The following RGS12 variants were observed in gnomAD, a reference collection of about 807,000 sequenced individuals.
RGS12 encodes the protein regulator of G protein signaling 12, also known as regulator of G-protein signaling 12.
Under a neutral mutation model 120.1 loss-of-function variants are expected in RGS12, and 66 were observed. That is an observed-to-expected ratio of 0.55 (90% confidence interval 0.45 to 0.67). RGS12 has a LOEUF of 0.67. RGS12 is among the 30% of genes least tolerant of loss of function. The probability of loss-of-function intolerance (pLI) is 0.00; values close to 1 mark genes in which losing one functional copy is unlikely to be tolerated. For synonymous variants in RGS12, 827 were observed against 804.7 expected (o/e 1.03, Z -0.47); for missense variants, 1,859 against 1,957.7 (o/e 0.95, Z 0.95).
intron 4 of RGS12, among the ~76,000 whole-genome samples, chr4:3,403,484 C>T (rs1720803862): frequency 6.6e-6 from 1 of 152,252 alleles, no homozygotes; most frequent in South Asian, 2.1e-4. Context: ...AGCATAGTCA[C>T]TGATGTCAGC....
intron 16 of RGS12, 95 bp from the exon 17 acceptor site, chr4:3,430,312 C>A: frequency 2.6e-6 from 3 of 1,143,748 alleles, no homozygotes; most frequent in Non-Finnish European, 3.8e-6. Context: ...GGTGTTAGGA[C>A]AGCCCAGGAT....
At chr4:3,329,316 G>A (rs1028955859) in intron 2 of RGS12, among the ~76,000 whole-genome samples, 2 of 152,150 alleles carry the variant, frequency 1.3e-5, no homozygotes, top group African/African-American at 4.8e-5. Context: ...GAACTTGGAG[G>A]GGGACTGCCC....
At chr4:3,363,112 TGA>T (rs564775475) in intron 3 of RGS12, among the ~76,000 whole-genome samples, 133 of 151,006 alleles carry the variant, frequency 8.8e-4, no homozygotes, top group African/African-American at 2.8e-3. Flanking sequence ...AGTGTGTGTG[TGA>T]GAGTGCGCAT....
At chr4:3,395,638 T>A (rs1244287049) in intron 4 of RGS12, among the ~76,000 whole-genome samples, 1 of 152,240 alleles carries the variant, frequency 6.6e-6, no homozygotes, top group African/African-American at 2.4e-5. Flanking sequence ...TTTAATTGTA[T>A]TAATAGTTTT....
intron 3 of RGS12, among the ~76,000 whole-genome samples, chr4:3,367,515 C>T (rs925951200): frequency 6.6e-6 from 1 of 152,268 alleles, no homozygotes; most frequent in Admixed American, 6.5e-5. Context: ...ACACATCCAT[C>T]CAAACAAGGG....
chr4:3,362,490 G>T (rs1299963192), intron 3 of RGS12, among the ~76,000 whole-genome samples: 3 of 146,932 alleles, frequency 2.0e-5, no homozygotes, highest in Admixed American at 1.4e-4. Flanking sequence ...GTATGTGAGG[G>T]TGTGTGTGAG....
chr4:3,362,636 AGAGT>A, intron 3 of RGS12, among the ~76,000 whole-genome samples: 1 of 106,388 alleles, frequency 9.4e-6, no homozygotes, highest in Admixed American at 9.7e-5. Flanking sequence ...TGTGAATGTG[AGAGT>A]GAGGGTGTGT....
At chr4:3,430,219 A>G (rs913233479) in intron 16 of RGS12, among the ~76,000 whole-genome samples, 188 bp from the exon 17 acceptor site, 3 of 152,214 alleles carry the variant, frequency 2.0e-5, no homozygotes, top group African/African-American at 7.2e-5. Flanking sequence ...AGAGTATGCT[A>G]GAAGCCCCAG....
At chr4:3,392,679 C>T (rs1441973528) in intron 4 of RGS12, among the ~76,000 whole-genome samples, 2 of 152,140 alleles carry the variant, frequency 1.3e-5, no homozygotes, top group Non-Finnish European at 2.9e-5. Context: ...ATTCTCTTCA[C>T]GCTTTGCTTT....
In RGS12 at chr4:3,429,287, A is replaced by T. The variant is rs76248786; in HGVS notation, c.3565+576A>T. ...CCTTTCTTGAAGCTCCTTTTTCTCC[A>T]GAAGTTTATAACAAGGAGAAGCATT... On this transcript the variant is annotated intron_variant, in intron 16 of 17. Transcript: ENST00000336727. 9.9e-5 allele frequency among the ~76,000 whole-genome samples: 15 copies of T among 152,256 alleles called. No homozygotes were observed. The East Asian group carries it at 2.5e-3, about 25-fold the overall frequency.
chr4:3,430,539 C>T lies in RGS12; in HGVS notation c.3698C>T (p.Thr1233Ile), dbSNP rs1389283060. Reference sequence around the variant, plus strand: ...GGTTCCACAGAACTCACCCTCCCCACTCCAGCTGCTGTGGCCAAGGGCTTT... The same window carrying T: ...GGTTCCACAGAACTCACCCTCCCCATTCCAGCTGCTGTGGCCAAGGGCTTT... The part of the protein sequence containing the change: ...PPGSTELTLP[T>I]PAAVAKGFSK... The change falls in exon 17 of 18, where the codon ACT (threonine) becomes ATT (isoleucine). Residue 1233 changes from threonine (T) to isoleucine (I), a missense_variant. Physicochemically the swap from Thr to Ile is moderately conservative, Grantham distance 89 (BLOSUM62 -1). Coordinates refer to ENST00000336727, the MANE Select transcript of RGS12 (RefSeq NM_001394154.1). The T allele has an allele frequency of 6.2e-7, 1 of 1,613,386 alleles. No homozygotes were observed. The highest frequency in any genetic ancestry group is 8.5e-7 in the Non-Finnish European group (1 of 1,180,024).
At chr4:3,348,657 C>T (rs1040104558) in intron 3 of RGS12, among the ~76,000 whole-genome samples, 9 of 152,040 alleles carry the variant, frequency 5.9e-5, no homozygotes, top group African/African-American at 1.4e-4. Context: ...CCAGAAAAGC[C>T]GAATGTACAG....
chr4:3,408,198 G>A (rs1203442582), intron 4 of RGS12, among the ~76,000 whole-genome samples: 2 of 152,228 alleles, frequency 1.3e-5, no homozygotes, highest in Non-Finnish European at 2.9e-5. Context: ...TGGAGCTGGG[G>A]TCGGAATGGT....
At chr4:3,350,125 AG>A (rs1227149301) in intron 3 of RGS12, among the ~76,000 whole-genome samples, 1 of 152,250 alleles carries the variant, frequency 6.6e-6, no homozygotes, top group Non-Finnish European at 1.5e-5. Flanking sequence ...ACTTAAATAT[AG>A]GGGTATTTTG....
In RGS12 at chr4:3,316,775, T is replaced by C. The variant is rs1724793919; in HGVS notation, c.605T>C (p.Val202Ala). The C allele has an allele frequency of 3.1e-6, 5 of 1,614,072 alleles. No individual in the cohort carries two copies. The Admixed American group carries it at 5.0e-5, about 16-fold the overall frequency. ...CTTTCTAAGGAGGAAATATCAAAAG[T>C]TATTCATGATGATTCGGTTTTCAGC... Reference protein sequence around the residue: ...NMLSKEEISKVIHDDSVFSIG... With the variant: ...NMLSKEEISKAIHDDSVFSIG... Residue 202 changes from valine to alanine, a missense_variant, in exon 2 of 18, where the codon GTT becomes GCT. Around this residue, in one of 3 missense-constraint regions of RGS12, gnomAD observed 967 missense variants for 994.2 expected, o/e 0.97. Transcript: ENST00000336727.
intron 13 of RGS12, 23 bp downstream of exon 13, chr4:3,423,664 G>A: frequency 6.3e-7 from 1 of 1,594,906 alleles, no homozygotes; most frequent in South Asian, 1.1e-5. Flanking sequence ...CGGGGCCCGG[G>A]CGTCGTCACC....
At chr4:3,303,661 G>A (rs930815976) in intron 1 of RGS12, among the ~76,000 whole-genome samples, 7 of 152,110 alleles carry the variant, frequency 4.6e-5, no homozygotes, top group African/African-American at 1.2e-4. Flanking sequence ...GCTTCCCCCC[G>A]CCCCACAGAC....
chr4:3,323,818 A>G (rs1473629020), intron 2 of RGS12, among the ~76,000 whole-genome samples: 2 of 151,950 alleles, frequency 1.3e-5, no homozygotes, highest in African/African-American at 4.8e-5. Context: ...ATTGCTCACC[A>G]AAGAGGTTTT....
intron 9 of RGS12, chr4:3,418,161 T>G (rs1413953224): frequency 6.6e-6 from 1 of 152,252 alleles, no homozygotes; most frequent in Non-Finnish European, 1.5e-5. Flanking sequence ...GTAACAAAAG[T>G]TAGGCAGAGA....
Sources: allele counts gnomAD v4.1 joint callset (sites outside exome capture counted in the v4.1 genomes callset), GRCh38; gene constraint gnomAD v4.1.1; regional missense constraint gnomAD v4.1.1; transcripts MANE v1.5; gene names NCBI Gene and HGNC (gene_info 2026-07-23, HGNC 2026-07-21).